The following HEG1 variants were observed in gnomAD, a reference collection of about 807,000 sequenced individuals.
The protein encoded by HEG1 is heart development protein with EGF like domains 1.
In HEG1, 56 loss-of-function variants were observed where a neutral mutation model predicts 125.6. The observed-to-expected ratio is 0.45, with a 90% CI of 0.36 to 0.56. HEG1 has a LOEUF of 0.56. Ranked by LOEUF, HEG1 falls within the 20% of genes least tolerant of loss-of-function variation. The probability of loss-of-function intolerance (pLI) is 0.00; values close to 1 mark genes in which losing one functional copy is unlikely to be tolerated. For missense variants in HEG1, 1,523 were observed against 1,670.0 expected (o/e 0.91, Z 1.53); for synonymous variants, 644 against 668.5 (o/e 0.96, Z 0.57).
intron 1 of HEG1, among the ~76,000 whole-genome samples, chr3:125,048,797 A>C (rs1175756243): frequency 6.6e-6 from 1 of 152,194 alleles, no homozygotes; most frequent in African/African-American, 2.4e-5. Flanking sequence ...AACAACAGAA[A>C]AGAGCAGTGG....
chr3:125,004,842 C>T (rs1462108665), intron 9 of HEG1, among the ~76,000 whole-genome samples: 2 of 152,190 alleles, frequency 1.3e-5, no homozygotes, highest in African/African-American at 2.4e-5. Flanking sequence ...GCACCTTTGG[C>T]ATTCCTTTGA....
At chr3:124,996,855 G>A (rs1480342539) in intron 12 of HEG1, among the ~76,000 whole-genome samples, 3 of 152,136 alleles carry the variant, frequency 2.0e-5, no homozygotes, top group South Asian at 2.1e-4. Flanking sequence ...CCTTTATATC[G>A]TTAGTTTTTC....
At chr3:125,010,375 A>G (rs1307224487) in intron 7 of HEG1, 64 bp downstream of exon 7, 4 of 934,674 alleles carry the variant, frequency 4.3e-6, no homozygotes, top group Non-Finnish European at 6.6e-6. Context: ...AGGAAAAAGG[A>G]GTTTATTGGG....
chr3:125,001,485 T>G (rs1471369977), intron 11 of HEG1, among the ~76,000 whole-genome samples: 9 of 152,178 alleles, frequency 5.9e-5, no homozygotes, highest in African/African-American at 2.2e-4. Flanking sequence ...ATGTACATTC[T>G]GTTTCCCCAA....
chr3:125,006,984 G>A (rs1347496308), intron 8 of HEG1, among the ~76,000 whole-genome samples: 2 of 151,926 alleles, frequency 1.3e-5, no homozygotes, highest in Admixed American at 6.6e-5. Flanking sequence ...CGGATCACGA[G>A]GTCAGGAGAT....
chr3:124,972,608 A>C (rs753546053), intron 16 of HEG1, among the ~76,000 whole-genome samples: 2 of 152,192 alleles, frequency 1.3e-5, no homozygotes, highest in Non-Finnish European at 2.9e-5. Context: ...AAGATTGTCT[A>C]ACACCATTAA....
At chr3:125,053,388 T>A (rs1212552615) in intron 1 of HEG1, among the ~76,000 whole-genome samples, 1 of 152,196 alleles carries the variant, frequency 6.6e-6, no homozygotes, top group Non-Finnish European at 1.5e-5. Flanking sequence ...TAAATGATAC[T>A]GTTTGAGCCA....
chr3:125,021,062 T>C lies in HEG1; in HGVS notation c.982A>G (p.Thr328Ala), dbSNP rs555881003. The change falls in exon 4 of 17, where the codon ACA becomes GCA. Residue 328 changes from threonine to alanine, a missense_variant. Transcript: ENST00000311127. ...LQSSSVSQTKTMHVATVFTDG... is the reference protein window; with the variant it reads ...LQSSSVSQTKAMHVATVFTDG... The stretch of plus-strand genomic sequence containing the variant: ...GTGAACACGGTGGCAACATGCATTG[T>C]CTTTGTTTGACTGACTGAGGAGCTC... 6.2e-7 allele frequency: 1 copy of C among 1,607,360 alleles called. No homozygotes were observed. Among genetic ancestry groups the C allele is most frequent in the Non-Finnish European group, 8.5e-7 (1 of 1,176,844 alleles).
chr3:125,035,105 C>T (rs1243322224), intron 1 of HEG1, among the ~76,000 whole-genome samples: 1 of 152,148 alleles, frequency 6.6e-6, no homozygotes. Flanking sequence ...GCTGAGATTA[C>T]AGGTGTGCCA....
chr3:125,041,027 G>T (rs1196024168), intron 1 of HEG1, among the ~76,000 whole-genome samples: 3 of 152,162 alleles, frequency 2.0e-5, no homozygotes, highest in Non-Finnish European at 4.4e-5. Context: ...TAAGTCACCT[G>T]CCCAGGTTAA....
intron 4 of HEG1, 73 bp downstream of exon 4, chr3:125,020,719 T>C (rs1937322953): frequency 1.6e-6 from 2 of 1,284,382 alleles, no homozygotes; most frequent in Admixed American, 4.2e-5. Flanking sequence ...CAAATGGTCT[T>C]GAAGAGGTCC....
intron 8 of HEG1, among the ~76,000 whole-genome samples, chr3:125,008,330 G>T (rs576593228): frequency 6.6e-6 from 1 of 152,080 alleles, no homozygotes; most frequent in Non-Finnish European, 1.5e-5. Flanking sequence ...CATTATTTTG[G>T]TAGGGTACTT....
At chr3:124,977,205 TC>T (rs1323056497) in intron 15 of HEG1, among the ~76,000 whole-genome samples, 2 of 152,212 alleles carry the variant, frequency 1.3e-5, no homozygotes, top group Non-Finnish European at 2.9e-5. Context: ...TTATGAGGCT[TC>T]CCCAGCCACT....
chr3:124,977,667 T>C lies in HEG1; in HGVS notation c.3821+192A>G, dbSNP rs140573740. Among the ~76,000 whole-genome samples, 30 of 152,346 alleles carry C rather than the reference T, an allele frequency of 2.0e-4. No individual in the cohort carries two copies. The South Asian group carries it at 3.7e-3, about 19-fold the overall frequency. ...TTCTAATAAAGAAAATGAAGTTCCA[T>C]TTACTCCCCTTCTTTTTCCTCACAG... On this transcript the variant is annotated intron_variant, in intron 15 of 16. Coordinates refer to ENST00000311127, the MANE Select transcript of HEG1 (RefSeq NM_020733.2).
chr3:125,014,986 G>A (rs751017874), intron 5 of HEG1: 22 of 1,263,444 alleles, frequency 1.7e-5, no homozygotes, highest in Non-Finnish European at 2.3e-5. Context: ...CCTAGTGCTT[G>A]GCCTGGCTCT....
intron 15 of HEG1, 70 bp downstream of exon 15, chr3:124,977,789 A>G: frequency 1.0e-6 from 1 of 973,590 alleles, no homozygotes; most frequent in Admixed American, 2.2e-5. Flanking sequence ...ATCCTGTAAA[A>G]GAATACAAAC....
At chr3:125,015,750 T>C (rs2107701903) in intron 5 of HEG1, among the ~76,000 whole-genome samples, 1 of 151,026 alleles carries the variant, frequency 6.6e-6, no homozygotes, top group Non-Finnish European at 1.5e-5. Context: ...GAGGTCCAAT[T>C]CTCCTTGGCC....
At chr3:124,995,948 C>A (rs1936915003) in intron 12 of HEG1, among the ~76,000 whole-genome samples, 1 of 152,194 alleles carries the variant, frequency 6.6e-6, no homozygotes, top group African/African-American at 2.4e-5. Flanking sequence ...ATTGTTGAGA[C>A]ACTGTTCACA....
chr3:125,011,922 C>T (rs1937161936), intron 6 of HEG1, among the ~76,000 whole-genome samples: 1 of 152,172 alleles, frequency 6.6e-6, no homozygotes, highest in Admixed American at 6.5e-5. Flanking sequence ...GCTGGCTTTA[C>T]TTTCCTGGTA....
Sources: gnomAD v4.1 joint callset for allele counts (sites outside exome capture counted in the v4.1 genomes callset) on GRCh38, gnomAD v4.1.1 for gene constraint, MANE v1.5 for transcripts, NCBI Gene and HGNC (gene_info 2026-07-23, HGNC 2026-07-21) for gene names.